ZW10: variants seen among roughly 807,000 people sequenced by gnomAD.
The protein encoded by ZW10 is centromere/kinetochore protein zw10 homolog.
A neutral mutation model predicts 87.8 loss-of-function variants in ZW10; 53 were observed. The observed-to-expected ratio is 0.60, with a 90% CI of 0.48 to 0.76. The LOEUF (loss-of-function observed/expected upper bound fraction) is 0.76. Among genes scored for constraint, ZW10 ranks in the 30% least tolerant of loss-of-function variants. ZW10 has a pLI of 0.00. For synonymous variants in ZW10, 312 were observed against 329.2 expected, an observed-to-expected ratio of 0.95 and a Z score of 0.57; for missense variants, 837 against 923.0, an observed-to-expected ratio of 0.91 and a Z score of 1.21.
At chr11:113,760,765 A>T in intron 3 of ZW10, 52 bp downstream of exon 3, 1 of 1,517,746 alleles carries the variant, frequency 6.6e-7, no homozygotes, top group South Asian at 1.1e-5. Flanking sequence ...GCCATTGACT[A>T]ATGAGACCTT....
chr11:113,765,791 T>C (rs932988101), intron 2 of ZW10, among the ~76,000 whole-genome samples: 2 of 152,172 alleles, frequency 1.3e-5, no homozygotes, highest in African/African-American at 4.8e-5. Flanking sequence ...TTACTGTCTT[T>C]AGTTCTGGGC....
At chr11:113,770,961 G>A (rs1258257370) in intron 1 of ZW10, among the ~76,000 whole-genome samples, 2 of 145,136 alleles carry the variant, frequency 1.4e-5, no homozygotes, top group Non-Finnish European at 3.0e-5. Flanking sequence ...TCGGGGACTT[G>A]AGGATGCTAT....
At chr11:113,740,958 A>T (rs777015570) in intron 11 of ZW10, among the ~76,000 whole-genome samples, 8 of 152,228 alleles carry the variant, frequency 5.3e-5, no homozygotes, top group Non-Finnish European at 1.2e-4. Flanking sequence ...TGCTTGACTA[A>T]GTAAAAAATG....
intron 2 of ZW10, among the ~76,000 whole-genome samples, chr11:113,766,335 A>G (rs1012864789): frequency 1.3e-5 from 2 of 151,912 alleles, no homozygotes; most frequent in Non-Finnish European, 2.9e-5. Context: ...ACCCCACTCC[A>G]GCCTAGGCAA....
At chr11:113,743,695 T>C in intron 10 of ZW10, 107 bp downstream of exon 10, 1 of 881,984 alleles carries the variant, frequency 1.1e-6, no homozygotes, top group Non-Finnish European at 1.8e-6. Flanking sequence ...CATTAACTTC[T>C]AGGATATGAA....
intron 14 of ZW10, 92 bp downstream of exon 14, chr11:113,737,480 G>A: frequency 8.0e-7 from 1 of 1,249,838 alleles, no homozygotes; most frequent in Non-Finnish European, 1.1e-6. Context: ...CATGAAACAT[G>A]AACAATTTCT....
chr11:113,771,880 A>T (rs1033388846), intron 1 of ZW10, among the ~76,000 whole-genome samples: 15 of 152,062 alleles, frequency 9.9e-5, no homozygotes, highest in African/African-American at 2.2e-4. Context: ...TACATGAATT[A>T]AAAAAAAGAA....
Position 113,738,402 on chromosome 11 carries a change from G to A in ZW10, c.1754-8C>T. 6.2e-7 allele frequency: 1 copy of A among 1,601,092 alleles called. No homozygotes were observed. Among genetic ancestry groups the A allele is most frequent in the Non-Finnish European group, 8.5e-7 (1 of 1,176,252 alleles). On this transcript the variant is annotated splice_polypyrimidine_tract_variant and splice_region_variant and intron_variant, in intron 12 of 15. Coordinates refer to ENST00000200135, the MANE Select transcript of ZW10 (RefSeq NM_004724.4). ...CCAAAAAGCATTCTGTCCCTATGAT[G>A]GAAAAACAGAATAAAAAATTTTAAA...
At chr11:113,755,882 T>C (rs1953778222) in intron 7 of ZW10, among the ~76,000 whole-genome samples, 1 of 152,210 alleles carries the variant, frequency 6.6e-6, no homozygotes, top group African/African-American at 2.4e-5. Flanking sequence ...TCGTTGGCAC[T>C]TTTTAATAAT....
At chr11:113,760,657 G>T (rs2134890798) in intron 3 of ZW10, 67 bp from the exon 4 acceptor site, 7 of 1,298,496 alleles carry the variant, frequency 5.4e-6, no homozygotes, top group East Asian at 2.4e-5. Flanking sequence ...TAAACATTAA[G>T]AAATGCTCCC....
intron 1 of ZW10, among the ~76,000 whole-genome samples, chr11:113,772,477 T>C (rs1266187087): frequency 6.6e-6 from 1 of 152,172 alleles, no homozygotes; most frequent in East Asian, 1.9e-4. Context: ...CTCGAAACCC[T>C]ACTTGACTCA....
chr11:113,738,182 G>A, intron 13 of ZW10, 82 bp downstream of exon 13: 2 of 1,440,742 alleles, frequency 1.4e-6, no homozygotes, highest in South Asian at 1.5e-5. Context: ...GTTACATATT[G>A]TTTTCTGCTT....
intron 2 of ZW10, among the ~76,000 whole-genome samples, chr11:113,764,944 C>T (rs1404904844): frequency 6.6e-6 from 1 of 152,198 alleles, no homozygotes; most frequent in East Asian, 1.9e-4. Flanking sequence ...GATTGTCTTA[C>T]TCCAAACCAG....
intron 9 of ZW10, 86 bp from the exon 10 acceptor site, chr11:113,744,126 G>A: frequency 1.8e-6 from 2 of 1,132,810 alleles, no homozygotes; most frequent in Non-Finnish European, 2.5e-6. Flanking sequence ...GGCGGCTCAC[G>A]CCTGTAATCC....
chr11:113,745,302 A>G (rs1404590449), intron 9 of ZW10, among the ~76,000 whole-genome samples: 1 of 116,778 alleles, frequency 8.6e-6, no homozygotes, highest in East Asian at 2.7e-4. Context: ...TTCAGGGATT[A>G]AAAAAAAAAA....
chr11:113,764,711 T>C (rs1332983987), intron 2 of ZW10, among the ~76,000 whole-genome samples: 1 of 152,220 alleles, frequency 6.6e-6, no homozygotes, highest in African/African-American at 2.4e-5. Flanking sequence ...TCAGCTCTAC[T>C]ATAATCTCAC....
At chr11:113,750,623 A>G (rs1320665864) in intron 7 of ZW10, among the ~76,000 whole-genome samples, 1 of 152,116 alleles carries the variant, frequency 6.6e-6, no homozygotes, top group Non-Finnish European at 1.5e-5. Flanking sequence ...TTTTTAAGAC[A>G]ATAAAGTGAA....
chr11:113,756,927 T>C (rs996766096), intron 7 of ZW10, among the ~76,000 whole-genome samples: 1 of 152,156 alleles, frequency 6.6e-6, no homozygotes, highest in East Asian at 1.9e-4. Context: ...ATCAAAACTA[T>C]AGAAAAGTCC....
chr11:113,760,086 C>A, intron 5 of ZW10, 123 bp downstream of exon 5: 1 of 1,209,218 alleles, frequency 8.3e-7, no homozygotes, highest in Non-Finnish European at 1.1e-6. Context: ...CATGAGTGCT[C>A]AATACAGACA....
Sources: allele counts gnomAD v4.1 joint callset (sites outside exome capture counted in the v4.1 genomes callset), GRCh38; gene constraint gnomAD v4.1.1; transcripts MANE v1.5; gene names NCBI Gene and HGNC (gene_info 2026-07-23, HGNC 2026-07-21).